MITF: variants seen among roughly 807,000 people sequenced by gnomAD.
MITF encodes microphthalmia-associated transcription factor.
A neutral mutation model predicts 60.5 loss-of-function variants in MITF; 17 were observed. The ratio of observed to expected loss-of-function variants is 0.28; its 90% confidence interval spans 0.19 to 0.42. MITF has a LOEUF of 0.42. MITF is among the 10% of genes least tolerant of loss of function. MITF has a pLI of 1.00. For synonymous variants in MITF, 260 were observed against 248.5 expected (o/e 1.05, Z -0.43); for missense variants, 622 against 683.5 (o/e 0.91, Z 1.00).
chr3:69,928,492 C>T (rs1386690965), intron 2 of MITF, among the ~76,000 whole-genome samples: 1 of 152,084 alleles, frequency 6.6e-6, no homozygotes, highest in East Asian at 1.9e-4. Flanking sequence ...TAAAGTAGTC[C>T]AGTTGTCAGT....
chr3:69,754,766 GA>G (rs1235339628), intron 1 of MITF, among the ~76,000 whole-genome samples: 1 of 151,964 alleles, frequency 6.6e-6, no homozygotes, highest in Non-Finnish European at 1.5e-5. Context: ...CAGATTAAAA[GA>G]AATACATGGG....
At chr3:69,786,406 C>T (rs1235408009) in intron 1 of MITF, among the ~76,000 whole-genome samples, 10 of 152,178 alleles carry the variant, frequency 6.6e-5, no homozygotes, top group South Asian at 2.1e-4. Flanking sequence ...AGAGGTAAGA[C>T]GCTTTTGAAG....
At chr3:69,938,304 G>T in intron 3 of MITF, 1 of 1,514,642 alleles carries the variant, frequency 6.6e-7, no homozygotes, top group Non-Finnish European at 9.0e-7. Flanking sequence ...TTTGCCACTT[G>T]CTTCTTCTTC....
rs746864722 is a variant in MITF at position 69,739,645 on chromosome 3, G to A, written c.48G>A (p.Glu16=). 1.0e-5 allele frequency: 16 copies of A among 1,584,616 alleles called. No homozygotes were observed. Among genetic ancestry groups the A allele is most frequent in the Non-Finnish European group, 3.4e-6 (4 of 1,163,850 alleles). The change falls in exon 1 of 10, where the codon GAG becomes GAA. Residue 16 remains glutamate, a synonymous_variant. Transcript: ENST00000352241. The part of the protein sequence containing the change: ...GIVPDFEVGE[E]FHEEPKTYYE... ...TGCCGGATTTCGAAGTCGGGGAGGAGTTTCATGAAGAGCCCAAAACCTATT... is the reference window on the plus strand; with the variant it reads ...TGCCGGATTTCGAAGTCGGGGAGGAATTTCATGAAGAGCCCAAAACCTATT...
chr3:69,967,788 C>A lies in MITF; in HGVS notation c.*2540C>A, dbSNP rs1576077235. ...CTAAGCCAAGAGGCAGTGGTTTGGG[C>A]TTGTTGTTTGTAACAAGAAAATGAT... On this transcript the variant is annotated 3_prime_UTR_variant, in exon 10 of 10. Transcript: ENST00000352241. 2 of 232,932 alleles carry A rather than the reference C, an allele frequency of 8.6e-6. No individual in the cohort carries two copies. Among genetic ancestry groups the A allele is most frequent in the African/African-American group, 2.2e-5 (1 of 45,390 alleles). 14.4% of individuals were successfully genotyped at this position (232,932 alleles called of 1,614,324 possible).
intron 1 of MITF, among the ~76,000 whole-genome samples, chr3:69,799,428 T>G (rs1372197401): frequency 6.6e-6 from 1 of 152,230 alleles, no homozygotes; most frequent in Non-Finnish European, 1.5e-5. Context: ...TTTTTATTTC[T>G]CTGATTTAAG....
At chr3:69,930,574 G>A (rs140008160) in intron 2 of MITF, among the ~76,000 whole-genome samples, 47 of 152,276 alleles carry the variant, frequency 3.1e-4, no homozygotes, top group African/African-American at 1.0e-3. Flanking sequence ...CACTGTGTAA[G>A]ATTTGCACAG....
intron 1 of MITF, among the ~76,000 whole-genome samples, chr3:69,753,851 T>A (rs1704029167): frequency 6.6e-6 from 1 of 152,210 alleles, no homozygotes; most frequent in Non-Finnish European, 1.5e-5. Flanking sequence ...TGTTTTTTAA[T>A]TTATAGGCTC....
intron 1 of MITF, among the ~76,000 whole-genome samples, chr3:69,815,708 T>G (rs971948812): frequency 5.3e-5 from 8 of 152,326 alleles, no homozygotes; most frequent in African/African-American, 1.4e-4. Flanking sequence ...ACTGTGTGTG[T>G]GGGGTAGGGG....
intron 1 of MITF, among the ~76,000 whole-genome samples, chr3:69,757,997 ATGTGTGTGTG>A (rs60250386): frequency 1.8e-4 from 21 of 116,054 alleles, no homozygotes; most frequent in East Asian, 1.2e-3. Context: ...ACCCTAGGGC[ATGTGTGTGTG>A]TGTGTGTGTG....
At chr3:69,781,594 A>G (rs2062565290) in intron 1 of MITF, among the ~76,000 whole-genome samples, 2 of 152,144 alleles carry the variant, frequency 1.3e-5, no homozygotes, top group South Asian at 4.1e-4. Flanking sequence ...ATGTGGGAGT[A>G]TACTGTATTT....
chr3:69,939,201 C>T lies in MITF; in HGVS notation c.666+20C>T. On this transcript the variant is annotated intron_variant, in intron 4 of 9. Coordinates refer to ENST00000352241, the MANE Select transcript of MITF (RefSeq NM_001354604.2). Reference sequence around the variant, plus strand: ...ATGCAGGTACTGAATGACTTGGCAGCCTGAGGATGAACACTTTGTAATGAG... The same window carrying T: ...ATGCAGGTACTGAATGACTTGGCAGTCTGAGGATGAACACTTTGTAATGAG... 2 of 1,604,406 alleles carry T rather than the reference C, an allele frequency of 1.2e-6. No individual in the cohort carries two copies. Among genetic ancestry groups the T allele is most frequent in the Non-Finnish European group, 1.7e-6 (2 of 1,171,590 alleles).
chr3:69,938,323 A>G (rs1378620048), intron 3 of MITF: 1 of 1,551,086 alleles, frequency 6.4e-7, no homozygotes, highest in Admixed American at 1.9e-5. Context: ...TCCTTAGCTG[A>G]GTGCTCTCTT....
intron 9 of MITF, among the ~76,000 whole-genome samples, chr3:69,964,627 A>G (rs1203925503): frequency 8.7e-6 from 1 of 115,556 alleles, no homozygotes; most frequent in Non-Finnish European, 1.8e-5. Context: ...ATTCCCTACC[A>G]GAGTGGCACA....
chr3:69,845,438 C>CTTTT (rs202135701), intron 1 of MITF, among the ~76,000 whole-genome samples: 1 of 133,676 alleles, frequency 7.5e-6, no homozygotes, highest in Non-Finnish European at 1.6e-5. Context: ...TTTCTTTTTT[C>CTTTT]TTTCTTTTTT....
rs201375960 is a variant in MITF, at chr3:69,965,260, T to C, written c.*12T>C. 141 of 1,611,930 alleles carry C rather than the reference T, an allele frequency of 8.7e-5. No homozygotes were observed. The highest frequency in any genetic ancestry group is 1.6e-4 in the Middle Eastern group (1 of 6,072). On this transcript the variant is annotated 3_prime_UTR_variant, in exon 10 of 10. Transcript: ENST00000352241. ...AGCACACTTGTTAGCGAATCCTCCC[T>C]GCACTGCATTCGCACAAACTGCTTC...
At chr3:69,780,338 C>G (rs369667055) in intron 1 of MITF, among the ~76,000 whole-genome samples, 1 of 152,122 alleles carries the variant, frequency 6.6e-6, no homozygotes, top group African/African-American at 2.4e-5. Flanking sequence ...TGAAATCTCT[C>G]AATTTTTAAA....
At chr3:69,779,801 C>T (rs962189202) in intron 1 of MITF, among the ~76,000 whole-genome samples, 4 of 152,178 alleles carry the variant, frequency 2.6e-5, no homozygotes, top group Admixed American at 6.5e-5. Context: ...TCCAGTGTCA[C>T]CCAGTAGTAA....
intron 1 of MITF, among the ~76,000 whole-genome samples, chr3:69,740,303 C>T (rs759066854): frequency 4.6e-5 from 7 of 152,168 alleles, no homozygotes; most frequent in Non-Finnish European, 8.8e-5. Flanking sequence ...GCGGGAGGGG[C>T]CAGGGCAGCG....
Sources: gnomAD v4.1 joint callset for allele counts (sites outside exome capture counted in the v4.1 genomes callset) on GRCh38, gnomAD v4.1.1 for gene constraint, MANE v1.5 for transcripts, NCBI Gene and HGNC (gene_info 2026-07-23, HGNC 2026-07-21) for gene names.